SLC37A3: variants seen among roughly 807,000 people sequenced by gnomAD.
The protein encoded by SLC37A3 is solute carrier family 37 member 3, also known as sugar phosphate exchanger 3.
A neutral mutation model predicts 67.1 loss-of-function variants in SLC37A3; 51 were observed. That is an observed-to-expected ratio of 0.76 (90% CI 0.61 to 0.96). The LOEUF is 0.96. Among genes scored for constraint, SLC37A3 ranks in the 40% least tolerant of loss-of-function variants. SLC37A3 has a pLI of 0.00. For missense variants in SLC37A3, 508 were observed against 603.0 expected, an observed-to-expected ratio of 0.84 and a Z score of 1.65; for synonymous variants, 214 against 231.4, an observed-to-expected ratio of 0.92 and a Z score of 0.68.
chr7:140,367,666 T>C lies in SLC37A3; in HGVS notation c.291+1924A>G, dbSNP rs145654916. ...CTCCTCTCACAGTCCACGTTCCAGC[T>C]GCTGCCACCATCAGCTCCAGAACTC... On this transcript the variant is annotated intron_variant, in intron 4 of 14. Transcript: ENST00000326232. Among the ~76,000 whole-genome samples, 17 of 152,210 alleles carry C rather than the reference T, an allele frequency of 1.1e-4. No individual in the cohort carries two copies. The East Asian group carries it at 3.3e-3, about 29-fold the overall frequency.
intron 7 of SLC37A3, among the ~76,000 whole-genome samples, chr7:140,354,222 G>A (rs1022629650): frequency 2.0e-5 from 3 of 152,162 alleles, no homozygotes; most frequent in Non-Finnish European, 4.4e-5. Context: ...ATGTGTTTTA[G>A]TCTATTCATC....
rs145070466 is a variant in SLC37A3, at chr7:140,345,314, C to T, written c.1127-51G>A. 1.5e-4 allele frequency: 218 copies of T among 1,451,862 alleles called. 1 individual carries two copies. The East Asian group carries it at 2.4e-3, about 16-fold the overall frequency. The allele number at this position is 1,451,862 out of a possible 1,614,324, so 89.9% of individuals were successfully genotyped here. A position where few individuals can be genotyped will look rare whatever the true frequency, so the allele number is the denominator to read the frequency against. On this transcript the variant is annotated intron_variant, in intron 11 of 14. Coordinates refer to ENST00000326232, the MANE Select transcript of SLC37A3 (RefSeq NM_207113.3). Reference sequence around the variant, plus strand: ...ATGGTGGCTTGAAAAGCAGACTCCACGTGCCTCTGCCAACCGTACGCGAAG... The same window carrying T: ...ATGGTGGCTTGAAAAGCAGACTCCATGTGCCTCTGCCAACCGTACGCGAAG...
At chr7:140,364,312 A>T in intron 5 of SLC37A3, 96 bp downstream of exon 5, 1 of 1,150,642 alleles carries the variant, frequency 8.7e-7, no homozygotes, top group Admixed American at 2.4e-5. Flanking sequence ...AACAATGAGG[A>T]TTAATCTTAC....
intron 1 of SLC37A3, among the ~76,000 whole-genome samples, chr7:140,387,138 T>C (rs573602317): frequency 1.3e-5 from 2 of 152,178 alleles, no homozygotes; most frequent in African/African-American, 4.8e-5. Flanking sequence ...CTTTTAGCAA[T>C]TTTCAAAATC....
chr7:140,345,927 T>G lies in SLC37A3; in HGVS notation c.1068A>C (p.Arg356Ser). 6.2e-7 allele frequency: 1 copy of G among 1,613,958 alleles called. No homozygotes were observed. The highest frequency in any genetic ancestry group is 8.5e-7 in the Non-Finnish European group (1 of 1,179,998). Residue 356 changes from arginine (R) to serine (S), a missense_variant, in exon 11 of 15, where the codon AGA (arginine) becomes AGC (serine). Transcript: ENST00000326232. The stretch of plus-strand genomic sequence containing the variant: ...GCAGACTCAGGGCAAGAACCGGCGC[T>G]CTCTTCTGTAGTACATCAGAGATGA... ...QGFISDVLQK[R>S]APVLALSLLL...
intron 4 of SLC37A3, among the ~76,000 whole-genome samples, chr7:140,366,213 C>T (rs1797596774): frequency 6.6e-6 from 1 of 152,016 alleles, no homozygotes; most frequent in African/African-American, 2.4e-5. Context: ...CACGCCCAGC[C>T]AAGTTTTAGA....
intron 10 of SLC37A3, 86 bp downstream of exon 10, chr7:140,348,540 C>A: frequency 2.9e-5 from 39 of 1,345,012 alleles, no homozygotes; most frequent in East Asian, 1.7e-4. Flanking sequence ...AGTAATAAAA[C>A]TTTAAATGAG....
intron 1 of SLC37A3, among the ~76,000 whole-genome samples, chr7:140,388,725 C>T (rs967629172): frequency 6.6e-6 from 1 of 151,906 alleles, no homozygotes; most frequent in African/African-American, 2.4e-5. Flanking sequence ...GCAGGAGAAT[C>T]GCTTGAACCT....
At chr7:140,383,716 AC>A (rs200511884) in intron 1 of SLC37A3, among the ~76,000 whole-genome samples, 2,122 of 151,922 alleles carry the variant, frequency 0.014, 39 homozygotes, top group African/African-American at 0.042. Context: ...TCACTCTGTC[AC>A]CCAGGCTGGC....
At chr7:140,393,765 TTGTTTCCA>T (rs1212350254) in intron 1 of SLC37A3, among the ~76,000 whole-genome samples, 2 of 152,206 alleles carry the variant, frequency 1.3e-5, no homozygotes, top group African/African-American at 4.8e-5. Context: ...TCTGGTTTAA[TTGTTTCCA>T]TGTCTACTGT....
intron 8 of SLC37A3, 133 bp from the exon 9 acceptor site, chr7:140,351,584 G>C: frequency 3.5e-6 from 3 of 851,202 alleles, no homozygotes; most frequent in Non-Finnish European, 5.4e-6. Flanking sequence ...TCCAGAGACC[G>C]AGGTCAACTA....
At chr7:140,372,739 T>G (rs1797869914) in intron 3 of SLC37A3, among the ~76,000 whole-genome samples, 1 of 151,766 alleles carries the variant, frequency 6.6e-6, no homozygotes, top group Admixed American at 6.6e-5. Context: ...GGTGGGCGCC[T>G]GTAATCCCAG....
In SLC37A3 at chr7:140,380,407, A is replaced by T; in HGVS notation, c.90-17T>A. 6.6e-7 allele frequency: 1 copy of T among 1,524,468 alleles called. No homozygotes were observed. The highest frequency in any genetic ancestry group is 1.1e-5 in the South Asian group (1 of 88,828). 94.4% of individuals were successfully genotyped at this position (1,524,468 alleles called of 1,614,324 possible). On this transcript the variant is annotated splice_polypyrimidine_tract_variant and intron_variant, in intron 2 of 14. Coordinates refer to ENST00000326232, the MANE Select transcript of SLC37A3 (RefSeq NM_207113.3). ...AACGAATAACTACAAAATAGAGAGAATACAGATGAATGAATAGCAAAGAGA... is the reference window on the plus strand; with the variant it reads ...AACGAATAACTACAAAATAGAGAGATTACAGATGAATGAATAGCAAAGAGA...
intron 12 of SLC37A3, 25 bp downstream of exon 12, chr7:140,345,191 G>T: frequency 6.2e-7 from 1 of 1,602,624 alleles, no homozygotes; most frequent in Non-Finnish European, 8.5e-7. Flanking sequence ...ACAGAAGCAT[G>T]GTGGAGCAGA....
At chr7:140,365,919 C>CTTTTTTTTTT (rs71170981) in intron 4 of SLC37A3, among the ~76,000 whole-genome samples, 2 of 43,876 alleles carry the variant, frequency 4.6e-5, no homozygotes, top group African/African-American at 9.8e-5. Flanking sequence ...ACAATACATG[C>CTTTTTTTTTT]TTTTTTTTTT....
intron 6 of SLC37A3, 112 bp downstream of exon 6, chr7:140,358,528 G>A (rs190772794): frequency 1.5e-5 from 21 of 1,418,526 alleles, no homozygotes; most frequent in Admixed American, 5.7e-5. Flanking sequence ...ACTTGCTAAC[G>A]AAAGATGTGG....
At chr7:140,339,280 T>TGA (rs71170975) in intron 13 of SLC37A3, among the ~76,000 whole-genome samples, 1 of 149,450 alleles carries the variant, frequency 6.7e-6, no homozygotes, top group Non-Finnish European at 1.5e-5. Flanking sequence ...TTTTTTTTTT[T>TGA]GAGAGAGTCT....
At chr7:140,379,233 G>A (rs1216925231) in intron 3 of SLC37A3, 1 of 152,204 alleles carries the variant, frequency 6.6e-6, no homozygotes, top group Non-Finnish European at 1.5e-5. Context: ...CCACACTTGG[G>A]GAGGCCGAGG....
At chr7:140,361,597 G>C (rs1207139084) in intron 5 of SLC37A3, among the ~76,000 whole-genome samples, 4 of 143,702 alleles carry the variant, frequency 2.8e-5, no homozygotes, top group East Asian at 2.1e-4. Context: ...CTCTGATGCC[G>C]AGCCAAAGCT....
Sources: gnomAD v4.1 joint callset for allele counts (sites outside exome capture counted in the v4.1 genomes callset) on GRCh38, gnomAD v4.1.1 for gene constraint, MANE v1.5 for transcripts, NCBI Gene and HGNC (gene_info 2026-07-23, HGNC 2026-07-21) for gene names.